Variants in ADAMTS3 observed in about 807,000 individuals in gnomAD.
ADAMTS3 encodes the protein A disintegrin and metalloproteinase with thrombospondin motifs 3.
In ADAMTS3, 73 loss-of-function variants were observed where a neutral mutation model predicts 129.0. That is an observed-to-expected ratio of 0.57 (90% CI 0.47 to 0.69). The LOEUF is 0.69. Ranked by LOEUF, ADAMTS3 falls within the 30% of genes least tolerant of loss-of-function variation. The pLI is 0.00. For missense variants in ADAMTS3, 1,457 were observed against 1,514.5 expected (o/e 0.96, Z 0.63); for synonymous variants, 477 against 510.8 (o/e 0.93, Z 0.89).
chr4:72,309,671 GT>G (rs1172223808), intron 14 of ADAMTS3, 151 bp from the exon 15 acceptor site: 1 of 704,892 alleles, frequency 1.4e-6, no homozygotes, highest in Non-Finnish European at 2.2e-6. Flanking sequence ...TAATACCTCA[GT>G]TTTTTAAAAA....
intron 3 of ADAMTS3, among the ~76,000 whole-genome samples, chr4:72,457,959 C>G (rs1718668179): frequency 6.6e-6 from 1 of 151,278 alleles, no homozygotes; most frequent in Non-Finnish European, 1.5e-5. Flanking sequence ...AAAGTGAAAA[C>G]AGTTTGGGAG....
intron 4 of ADAMTS3, among the ~76,000 whole-genome samples, chr4:72,364,954 A>C (rs963822853): frequency 2.6e-5 from 4 of 152,162 alleles, no homozygotes; most frequent in Non-Finnish European, 2.9e-5. Context: ...GCTATATTAT[A>C]AGTTTCTGTT....
Position 72,290,945 on chromosome 4 carries a change from G to C in ADAMTS3, c.2841C>G (p.Ser947Arg). The change falls in exon 20 of 22, where the codon AGC (serine) becomes AGG (arginine). Residue 947 changes from serine (S) to arginine (R), a missense_variant. Ser to Arg is a moderately radical substitution (Grantham distance 110). Transcript: ENST00000286657. Reference sequence around the variant, plus strand: ...CGGGACGGTCACCCATGCAGTATTTGCTGTGCACAGAGCGGTTGGTGCCAT... The same window carrying C: ...CGGGACGGTCACCCATGCAGTATTTCCTGTGCACAGAGCGGTTGGTGCCAT... ...LLDGTNRSVH[S>R]KYCMGDRPES... 6.2e-7 allele frequency: 1 copy of C among 1,614,066 alleles called. No homozygotes were observed. The highest frequency in any genetic ancestry group is 1.1e-5 in the South Asian group (1 of 91,090).
At chr4:72,397,106 T>C (rs1468049973) in intron 4 of ADAMTS3, among the ~76,000 whole-genome samples, 1 of 152,086 alleles carries the variant, frequency 6.6e-6, no homozygotes, top group Non-Finnish European at 1.5e-5. Context: ...ACTCTCTCAC[T>C]CCTCTCTATA....
At chr4:72,330,063 G>C (rs1050810774) in intron 5 of ADAMTS3, among the ~76,000 whole-genome samples, 1 of 152,124 alleles carries the variant, frequency 6.6e-6, no homozygotes, top group African/African-American at 2.4e-5. Context: ...TTGTTGCCCA[G>C]GCTGGAGTAC....
intron 5 of ADAMTS3, among the ~76,000 whole-genome samples, chr4:72,333,463 A>C (rs1216495205): frequency 6.6e-6 from 1 of 152,186 alleles, no homozygotes; most frequent in African/African-American, 2.4e-5. Flanking sequence ...TTATTACTGC[A>C]ATCCTCATTG....
rs1553922658 is a variant in ADAMTS3, at chr4:72,549,962, A to AAAAG, written c.98-1079_98-1078insCTTT. Among the ~76,000 whole-genome samples, 59 of 30,910 alleles carry AAAAG rather than the reference A, an allele frequency of 1.9e-3. 5 individuals are homozygous for AAAAG. Among genetic ancestry groups the AAAAG allele is most frequent in the Middle Eastern group, 0.015 (1 of 68 alleles). The allele number at this position is 30,910 out of a possible 152,430, so 20.3% of individuals were successfully genotyped here. A position where few individuals can be genotyped will look rare whatever the true frequency, so the allele number is the denominator to read the frequency against. On this transcript the variant is annotated intron_variant, in intron 2 of 21. Transcript: ENST00000286657. ...AGGGCAACAAGGGTAAAAAAAAAAA[A>AAAAG]AAGAAGAAGAAGAAGAAGAAGAAGA...
chr4:72,537,950 A>T (rs949651414), intron 3 of ADAMTS3, among the ~76,000 whole-genome samples: 5 of 152,304 alleles, frequency 3.3e-5, no homozygotes, highest in African/African-American at 1.2e-4. Context: ...CATAAATTCT[A>T]AAAAGAAACC....
Position 72,477,753 on chromosome 4 carries a change from G to A in ADAMTS3, c.505-62782C>T, listed in dbSNP as rs1719283548. On this transcript the variant is annotated intron_variant, in intron 3 of 21. Transcript: ENST00000286657. Reference sequence around the variant, plus strand: ...CTTCAAAAAATCAATGAATCCAGGAGCTGGTTTTTTGAAAGGATCAACAAA... The same window carrying A: ...CTTCAAAAAATCAATGAATCCAGGAACTGGTTTTTTGAAAGGATCAACAAA... Among the ~76,000 whole-genome samples the A allele has an allele frequency of 2.0e-5, 3 of 151,990 alleles. No homozygotes were observed. The South Asian group carries it at 6.2e-4, about 32-fold the overall frequency.
intron 21 of ADAMTS3, among the ~76,000 whole-genome samples, chr4:72,286,438 TC>T (rs1420127778): frequency 6.6e-6 from 1 of 152,232 alleles, no homozygotes; most frequent in Non-Finnish European, 1.5e-5. Flanking sequence ...TCAGATATGT[TC>T]TTGCTATAAT....
intron 9 of ADAMTS3, among the ~76,000 whole-genome samples, chr4:72,319,086 C>T (rs1007845214): frequency 5.3e-5 from 8 of 152,014 alleles, no homozygotes; most frequent in African/African-American, 7.3e-5. Context: ...ATCAAAGATT[C>T]GATAACAATT....
At chr4:72,338,682 A>C (rs1390846775) in intron 5 of ADAMTS3, among the ~76,000 whole-genome samples, 1 of 152,120 alleles carries the variant, frequency 6.6e-6, no homozygotes, top group Non-Finnish European at 1.5e-5. Context: ...AGGGAAATAA[A>C]ACAGCATAGG....
Position 72,360,591 on chromosome 4 carries a change from T to C in ADAMTS3, c.662-20898A>G, listed in dbSNP as rs890184496. On this transcript the variant is annotated intron_variant, in intron 4 of 21. Coordinates refer to ENST00000286657, the MANE Select transcript of ADAMTS3 (RefSeq NM_014243.3). ...TGAACATATATTACCAAAGAGAAGA[T>C]TGCCAGTGATTTCTGTGTTATGGAA... Among the ~76,000 whole-genome samples, 51 of 152,150 alleles carry C rather than the reference T, an allele frequency of 3.4e-4. 1 individual carries two copies. Among genetic ancestry groups the C allele is most frequent in the African/African-American group, 9.2e-4 (38 of 41,510 alleles).
At chr4:72,549,711 A>G (rs1471727121) in intron 2 of ADAMTS3, among the ~76,000 whole-genome samples, 1 of 151,900 alleles carries the variant, frequency 6.6e-6, no homozygotes, top group Non-Finnish European at 1.5e-5. Context: ...ACAGATATCT[A>G]TTAGAATATG....
intron 3 of ADAMTS3, among the ~76,000 whole-genome samples, chr4:72,485,112 T>C (rs1578724878): frequency 6.6e-6 from 1 of 152,156 alleles, no homozygotes; most frequent in South Asian, 2.1e-4. Flanking sequence ...AAGGTTTTCA[T>C]TAAGCTTCAA....
At chr4:72,415,124 TATCA>T (rs1206712707) in intron 3 of ADAMTS3, among the ~76,000 whole-genome samples, 153 bp from the exon 4 acceptor site, 1 of 81,592 alleles carries the variant, frequency 1.2e-5, no homozygotes, top group African/African-American at 3.5e-5. Flanking sequence ...TTTTATTAAC[TATCA>T]ATAATTAATT....
chr4:72,283,315 C>G lies in ADAMTS3; in HGVS notation c.3439G>C (p.Val1147Leu), dbSNP rs759487867. ...CTCTTGGTGGGTGGGGAGGATGGTA[C>G]GGTGACCAGTCTCACAGTCTTACTT... is the stretch of plus-strand genomic sequence containing the variant. ...AGSKTVRLVTVPSSPPTKRVH... is the reference protein window; with the variant it reads ...AGSKTVRLVTLPSSPPTKRVH... The change falls in exon 22 of 22, where the codon GTA (valine) becomes CTA (leucine). Residue 1147 changes from valine (V) to leucine (L), a missense_variant. Coordinates refer to ENST00000286657, the MANE Select transcript of ADAMTS3 (RefSeq NM_014243.3). The G allele has an allele frequency of 1.2e-6, 2 of 1,613,870 alleles. No homozygotes were observed. The highest frequency in any genetic ancestry group is 1.7e-6 in the Non-Finnish European group (2 of 1,179,914).
At chr4:72,405,450 T>G (rs1457276069) in intron 4 of ADAMTS3, among the ~76,000 whole-genome samples, 1 of 152,058 alleles carries the variant, frequency 6.6e-6, no homozygotes, top group Non-Finnish European at 1.5e-5. Flanking sequence ...CAAGTAATAT[T>G]TAAAAAAAAC....
chr4:72,530,272 T>C (rs1244936984), intron 3 of ADAMTS3, among the ~76,000 whole-genome samples: 13 of 82,654 alleles, frequency 1.6e-4, no homozygotes, highest in Admixed American at 6.9e-4. Flanking sequence ...ATATATAATA[T>C]ATAATATATA....
Sources: gnomAD v4.1 joint callset for allele counts (sites outside exome capture counted in the v4.1 genomes callset) on GRCh38, gnomAD v4.1.1 for gene constraint, MANE v1.5 for transcripts, NCBI Gene and HGNC (gene_info 2026-07-23, HGNC 2026-07-21) for gene names.